TBC1D32: variants seen among roughly 807,000 people sequenced by gnomAD.
The protein encoded by TBC1D32 is TBC1 domain family member 32.
In TBC1D32, 151 loss-of-function variants were observed where a neutral mutation model predicts 170.3. The ratio of observed to expected loss-of-function variants is 0.89; its 90% CI spans 0.78 to 1.01. TBC1D32 has a LOEUF of 1.01. Ranked by LOEUF, TBC1D32 falls within the 50% of genes least tolerant of loss-of-function variation. The pLI is 0.00. For synonymous variants in TBC1D32, 498 were observed against 488.0 expected, an observed-to-expected ratio of 1.02 and a Z score of -0.27; for missense variants, 1,464 against 1,457.1, an observed-to-expected ratio of 1.00 and a Z score of -0.08.
chr6:121,233,718 T>C (rs971456493), intron 20 of TBC1D32, among the ~76,000 whole-genome samples: 1 of 152,186 alleles, frequency 6.6e-6, no homozygotes, highest in African/African-American at 2.4e-5. Context: ...AACGATAGTA[T>C]TGAGACGTGA....
At chr6:121,243,131 C>T (rs2128366045) in intron 17 of TBC1D32, among the ~76,000 whole-genome samples, 1 of 151,310 alleles carries the variant, frequency 6.6e-6, no homozygotes, top group East Asian at 1.9e-4. Flanking sequence ...TAACACAAAG[C>T]AATAGAGGAA....
At chr6:121,220,804 C>A (rs1403554543) in intron 21 of TBC1D32, among the ~76,000 whole-genome samples, 1 of 151,848 alleles carries the variant, frequency 6.6e-6, no homozygotes. Context: ...CCACGTCCAG[C>A]TAATTTTTGT....
intron 21 of TBC1D32, among the ~76,000 whole-genome samples, chr6:121,205,375 G>C (rs1271307718): frequency 6.6e-6 from 1 of 152,164 alleles, no homozygotes; most frequent in Non-Finnish European, 1.5e-5. Context: ...TAACTGGTCT[G>C]AGTGTGGCCT....
chr6:121,310,642 G>T lies in TBC1D32; in HGVS notation c.564+137C>A, dbSNP rs111828906. The T allele has an allele frequency of 6.1e-3, 3,781 of 620,468 alleles. 132 individuals are homozygous for T. The African/African-American group carries it at 0.067, about 11-fold the overall frequency. 38.4% of individuals were successfully genotyped at this position (620,468 alleles called of 1,614,324 possible). A position where few individuals can be genotyped will look rare whatever the true frequency, so the allele number is the denominator to read the frequency against. On this transcript the variant is annotated intron_variant, in intron 4 of 31. Coordinates refer to ENST00000398212, the MANE Select transcript of TBC1D32 (RefSeq NM_152730.6). ...TTCATTTGGACTTTAAAGTTTACCA[G>T]GGATATCAGTCCAGGATTGCCCATA...
At chr6:121,156,872 A>T (rs1784958617) in intron 24 of TBC1D32, among the ~76,000 whole-genome samples, 1 of 152,104 alleles carries the variant, frequency 6.6e-6, no homozygotes, top group South Asian at 2.1e-4. Flanking sequence ...CTGTGGTCTG[A>T]GAGTGTGCTT....
intron 22 of TBC1D32, among the ~76,000 whole-genome samples, chr6:121,168,712 TAAAA>T (rs59283869): frequency 1.1e-3 from 105 of 93,902 alleles, no homozygotes; most frequent in African/African-American, 2.2e-3. Context: ...TAGAGTATAA[TAAAA>T]AAAAAAAAAA....
intron 3 of TBC1D32, among the ~76,000 whole-genome samples, chr6:121,315,776 G>C (rs756406413): frequency 2.0e-5 from 3 of 151,832 alleles, no homozygotes; most frequent in Non-Finnish European, 4.4e-5. Flanking sequence ...CCTCTCTTTG[G>C]TCAGCTATAT....
rs933974679 is a variant in TBC1D32 at position 121,103,985 on chromosome 6, A to G, written c.3465+2038T>C. Among the ~76,000 whole-genome samples the G allele has an allele frequency of 3.7e-4, 57 of 152,068 alleles. 1 individual carries two copies. Among genetic ancestry groups the G allele is most frequent in the African/African-American group, 1.4e-3 (57 of 41,528 alleles). ...TGTTTTAGGTATATATAGCAAGAGC[A>G]AAAATTGGCCAAGGAAGAGTATTCC... On this transcript the variant is annotated intron_variant, in intron 30 of 31. Coordinates refer to ENST00000398212, the MANE Select transcript of TBC1D32 (RefSeq NM_152730.6).
chr6:121,281,812 C>G (rs562706404), intron 13 of TBC1D32, 126 bp from the exon 14 acceptor site: 1 of 626,678 alleles, frequency 1.6e-6, no homozygotes, highest in South Asian at 3.3e-5. Flanking sequence ...TCATACAACT[C>G]AATATCCAAA....
Position 121,084,549 on chromosome 6 carries a change from G to T in TBC1D32, c.3655-3659C>A, listed in dbSNP as rs373292716. ...TCAACCCCTTGCCAGGAATATAAGGGAGCCATTTATCTAAAATATTAGGAT... is the reference window on the plus strand; with the variant it reads ...TCAACCCCTTGCCAGGAATATAAGGTAGCCATTTATCTAAAATATTAGGAT... On this transcript the variant is annotated intron_variant, in intron 31 of 31. Transcript: ENST00000398212. Among the ~76,000 whole-genome samples, 5 of 152,068 alleles carry T rather than the reference G, an allele frequency of 3.3e-5. No homozygotes were observed. The East Asian group carries it at 9.6e-4, about 29-fold the overall frequency.
At chr6:121,115,379 A>G (rs927083883) in intron 26 of TBC1D32, 138 bp from the exon 27 acceptor site, 235 of 533,436 alleles carry the variant, frequency 4.4e-4, no homozygotes, top group Non-Finnish European at 6.4e-5. Flanking sequence ...TTATTCTTTT[A>G]GGAACTGTCA....
At chr6:121,276,921 A>G (rs892127792) in intron 15 of TBC1D32, among the ~76,000 whole-genome samples, 2 of 152,228 alleles carry the variant, frequency 1.3e-5, no homozygotes, top group South Asian at 2.1e-4. Context: ...AAAAACTGAT[A>G]GAACTGCAGG....
At chr6:121,269,137 G>A (rs567542191) in intron 15 of TBC1D32, among the ~76,000 whole-genome samples, 1 of 152,046 alleles carries the variant, frequency 6.6e-6, no homozygotes, top group Admixed American at 6.6e-5. Context: ...TGGAACAACT[G>A]GTACCAGCCA....
In TBC1D32 at chr6:121,334,374, C is replaced by T; in HGVS notation, c.57G>A (p.Leu19=). ...TGATTTTCTCCTTCACGCTCTGGAA[C>T]AACCGCCTCAGCATCGCCTGCAGCA... ...QAMLQAMLRR[L]FQSVKEKITG... The change falls in exon 1 of 32, where the codon TTG becomes TTA. Residue 19 remains leucine (L), a synonymous_variant. Transcript: ENST00000398212. 6.2e-7 allele frequency: 1 copy of T among 1,614,244 alleles called. No homozygotes were observed. Among genetic ancestry groups the T allele is most frequent in the Admixed American group, 1.7e-5 (1 of 60,032 alleles).
intron 30 of TBC1D32, among the ~76,000 whole-genome samples, chr6:121,095,430 C>T (rs1777285548): frequency 6.6e-6 from 1 of 152,152 alleles, no homozygotes; most frequent in African/African-American, 2.4e-5. Flanking sequence ...TTATTTCTTT[C>T]TCTTGCCTGA....
chr6:121,085,380 T>C (rs1333905687), intron 31 of TBC1D32, among the ~76,000 whole-genome samples: 1 of 147,770 alleles, frequency 6.8e-6, no homozygotes, highest in Non-Finnish European at 1.5e-5. Context: ...TGTGTATATA[T>C]ATATATATAT....
At chr6:121,259,779 A>G (rs1799526056) in intron 15 of TBC1D32, among the ~76,000 whole-genome samples, 1 of 152,222 alleles carries the variant, frequency 6.6e-6, no homozygotes, top group Non-Finnish European at 1.5e-5. Context: ...GGTAACAAAT[A>G]TCTCTAAATT....
intron 24 of TBC1D32, among the ~76,000 whole-genome samples, chr6:121,151,077 T>G (rs745637049): frequency 2.6e-5 from 4 of 152,186 alleles, no homozygotes; most frequent in African/African-American, 4.8e-5. Context: ...GCTTCTCTAG[T>G]TCTTTTAATT....
At chr6:121,299,221 T>C (rs1417982548) in intron 10 of TBC1D32, among the ~76,000 whole-genome samples, 3 of 152,106 alleles carry the variant, frequency 2.0e-5, no homozygotes, top group Admixed American at 6.6e-5. Context: ...ATTTACTATA[T>C]ATATAAAACA....
Sources: allele counts gnomAD v4.1 joint callset (sites outside exome capture counted in the v4.1 genomes callset), GRCh38; gene constraint gnomAD v4.1.1; transcripts MANE v1.5; gene names NCBI Gene and HGNC (gene_info 2026-07-23, HGNC 2026-07-21).